GPHN: variants seen among roughly 807,000 people sequenced by gnomAD.
GPHN encodes the protein gephyrin.
In GPHN, 17 loss-of-function variants were observed where a neutral mutation model predicts 95.5. That is an observed-to-expected ratio of 0.18 (90% CI 0.12 to 0.27). The LOEUF (loss-of-function observed/expected upper bound fraction) is 0.27. GPHN is among the 10% of genes least tolerant of loss of function. GPHN has a pLI of 1.00. For synonymous variants in GPHN, 320 were observed against 322.5 expected (o/e 0.99, Z 0.08); for missense variants, 660 against 978.1 (o/e 0.67, Z 4.34).
chr14:67,727,029 C>T, the GPHN span: 1 of 1,613,668 alleles, frequency 6.2e-7, no homozygotes, highest in Non-Finnish European at 8.5e-7. Flanking sequence ...AAGGTGTCTG[C>T]CCCTGCACGG....
intron 1 of GPHN, among the ~76,000 whole-genome samples, chr14:66,668,657 G>A (rs2066110646): frequency 6.6e-6 from 1 of 152,100 alleles, no homozygotes; most frequent in South Asian, 2.1e-4. Flanking sequence ...ACGAGGGACA[G>A]TATCAGGAAA....
At chr14:66,723,979 G>GCA (rs1566871161) in intron 2 of GPHN, among the ~76,000 whole-genome samples, 1 of 142,416 alleles carries the variant, frequency 7.0e-6, no homozygotes, top group African/African-American at 2.5e-5. Flanking sequence ...TCTATGTCAT[G>GCA]CATACATACA....
rs1297715684 is a variant in GPHN at position 66,740,965 on chromosome 14, G to A, written c.144-35499G>A. 2.0e-5 allele frequency among the ~76,000 whole-genome samples: 3 copies of A among 152,170 alleles called. No individual in the cohort carries two copies. The East Asian group carries it at 5.8e-4, about 29-fold the overall frequency. ...GTCCAGTATCAAGGTGCTAGCATCT[G>A]GTGAGGGCCTTCTTGTGGCATCTCA... is the stretch of plus-strand genomic sequence containing the variant. On this transcript the variant is annotated intron_variant, in intron 2 of 22. Coordinates refer to ENST00000478722, the MANE Select transcript of GPHN (RefSeq NM_020806.5).
the GPHN span, among the ~76,000 whole-genome samples, chr14:67,632,603 G>T: frequency 6.6e-6 from 1 of 152,024 alleles, no homozygotes; most frequent in African/African-American, 2.4e-5. Flanking sequence ...AGAGGTTGAG[G>T]CACTATCTCC....
At chr14:67,660,066 G>GT in the GPHN span, 1 of 818,434 alleles carries the variant, frequency 1.2e-6, no homozygotes, top group South Asian at 1.9e-5. Flanking sequence ...CAGGGACCAT[G>GT]TCTGGCATGT....
At chr14:67,114,903 G>C (rs1409047388) in intron 16 of GPHN, among the ~76,000 whole-genome samples, 1 of 152,080 alleles carries the variant, frequency 6.6e-6, no homozygotes, top group Non-Finnish European at 1.5e-5. Flanking sequence ...AAGGTAATGG[G>C]GTGAGAATAG....
the GPHN span, among the ~76,000 whole-genome samples, chr14:67,280,877 C>CTTT: frequency 7.3e-6 from 1 of 137,372 alleles, no homozygotes; most frequent in Admixed American, 7.8e-5. Context: ...CCCTCCCTCC[C>CTTT]TCCCTTTTCT....
intron 4 of GPHN, among the ~76,000 whole-genome samples, chr14:66,848,270 A>T (rs1019680329): frequency 6.6e-6 from 1 of 152,112 alleles, no homozygotes; most frequent in African/African-American, 2.4e-5. Flanking sequence ...GTAGTAGTAC[A>T]TGTATATTTG....
At chr14:67,215,599 C>T in the GPHN span, among the ~76,000 whole-genome samples, 11 of 151,964 alleles carry the variant, frequency 7.2e-5, no homozygotes, top group South Asian at 2.1e-4. Context: ...GAAAGGGATA[C>T]GGGAATATAA....
chr14:66,945,770 A>G (rs565321997), intron 8 of GPHN, among the ~76,000 whole-genome samples: 11 of 152,236 alleles, frequency 7.2e-5, no homozygotes, highest in African/African-American at 2.4e-4. Context: ...GAGCATTAAC[A>G]GTTCTCTGGG....
At chr14:67,561,570 GA>G in the GPHN span, among the ~76,000 whole-genome samples, 1 of 151,652 alleles carries the variant, frequency 6.6e-6, no homozygotes, top group East Asian at 1.9e-4. Context: ...TCTCAGAAAA[GA>G]AAAGAATATG....
At chr14:67,174,643 G>A (rs2082816171) in intron 21 of GPHN, among the ~76,000 whole-genome samples, 1 of 152,146 alleles carries the variant, frequency 6.6e-6, no homozygotes, top group African/African-American at 2.4e-5. Flanking sequence ...CTAGATCCTT[G>A]AGGAATCTCC....
chr14:67,620,089 G>T, the GPHN span: 1 of 1,595,538 alleles, frequency 6.3e-7, no homozygotes, highest in Non-Finnish European at 8.5e-7. Context: ...ACAAGGGCAG[G>T]TGAGAACTGG....
chr14:66,713,981 C>G (rs763818806), intron 2 of GPHN, among the ~76,000 whole-genome samples: 1 of 152,134 alleles, frequency 6.6e-6, no homozygotes, highest in East Asian at 1.9e-4. Context: ...GTTGGCCAGG[C>G]TGGTTTCACA....
At chr14:67,221,415 G>C in the GPHN span, among the ~76,000 whole-genome samples, 1 of 152,106 alleles carries the variant, frequency 6.6e-6, no homozygotes, top group Non-Finnish European at 1.5e-5. Context: ...TATTTACACG[G>C]CTCAGCAGCA....
chr14:67,631,434 CTT>C, the GPHN span, among the ~76,000 whole-genome samples: 15 of 113,144 alleles, frequency 1.3e-4, no homozygotes, highest in Non-Finnish European at 1.4e-4. Context: ...TTCTTTCTTT[CTT>C]TTTTTTTTTT....
intron 11 of GPHN, among the ~76,000 whole-genome samples, chr14:67,069,463 G>C (rs2076195472): frequency 6.6e-6 from 1 of 152,202 alleles, no homozygotes; most frequent in East Asian, 1.9e-4. Context: ...TAACTAGCTG[G>C]AAGTCAGAGA....
chr14:67,193,123 T>A, the GPHN span, among the ~76,000 whole-genome samples: 1 of 144,428 alleles, frequency 6.9e-6, no homozygotes, highest in Non-Finnish European at 1.5e-5. Context: ...TATCTCTCTA[T>A]ATATCTCTAT....
At chr14:66,926,058 C>T (rs1448351121) in intron 8 of GPHN, among the ~76,000 whole-genome samples, 2 of 152,166 alleles carry the variant, frequency 1.3e-5, no homozygotes, top group Non-Finnish European at 2.9e-5. Context: ...TCCCTTGAGA[C>T]ACATCTATTC....
Sources: gnomAD v4.1 joint callset for allele counts (sites outside exome capture counted in the v4.1 genomes callset) on GRCh38, gnomAD v4.1.1 for gene constraint, MANE v1.5 for transcripts, NCBI Gene and HGNC (gene_info 2026-07-23, HGNC 2026-07-21) for gene names.